Variants in TCL1A observed in about 807,000 individuals in gnomAD.
TCL1A encodes T-cell leukemia/lymphoma protein 1A.
Under a neutral mutation model 16.9 loss-of-function variants are expected in TCL1A, and 9 were observed. That is an observed-to-expected ratio of 0.53 (90% CI 0.32 to 0.93). The LOEUF (loss-of-function observed/expected upper bound fraction) is 0.93, where lower values mean the gene tolerates loss of function less well. Ranked by LOEUF, TCL1A falls within the 40% of genes least tolerant of loss-of-function variation. The pLI is 0.04. For missense variants in TCL1A, 139 were observed against 153.0 expected (o/e 0.91, Z 0.48); for synonymous variants, 69 against 63.2 (o/e 1.09, Z -0.44).
At position 95,714,034 on chromosome 14, in the gene TCL1A, G is replaced by A. The variant is rs1886493423; in HGVS notation, c.33C>T (p.Val11=). Residue 11 remains valine, a synonymous_variant, in exon 1 of 4, where the codon GTC becomes GTT. Coordinates refer to ENST00000402399, the MANE Select transcript of TCL1A (RefSeq NM_021966.3). MAECPTLGEA[V]TDHPDRLWAW... is the part of the protein sequence containing the mutation. ...CCCACAGGCGGTCCGGGTGGTCGGTGACTGCCTCCCCGAGTGTCGGGCACT... is the reference window on the plus strand; with the variant it reads ...CCCACAGGCGGTCCGGGTGGTCGGTAACTGCCTCCCCGAGTGTCGGGCACT... 6.2e-7 allele frequency: 1 copy of A among 1,613,958 alleles called. No individual in the cohort carries two copies. The highest frequency in any genetic ancestry group is 1.3e-5 in the African/African-American group (1 of 74,958).
At chr14:95,713,164 A>G (rs74608909) in intron 1 of TCL1A, among the ~76,000 whole-genome samples, 5,834 of 152,306 alleles carry the variant, frequency 0.038, 407 homozygotes, top group African/African-American at 0.13. Context: ...GGACAAATGT[A>G]CATTTTTGTG....
intron 2 of TCL1A, 130 bp downstream of exon 2, chr14:95,712,090 C>T: frequency 8.4e-7 from 1 of 1,196,624 alleles, no homozygotes; most frequent in Non-Finnish European, 1.2e-6. Flanking sequence ...TAGAAATCTG[C>T]ACTTGTACAT....
At chr14:95,713,783 G>C (rs535805644) in intron 1 of TCL1A, among the ~76,000 whole-genome samples, 164 bp downstream of exon 1, 1 of 152,258 alleles carries the variant, frequency 6.6e-6, no homozygotes, top group Middle Eastern at 3.4e-3. Context: ...CCTGCCTGGA[G>C]AACTCCTATT....
intron 1 of TCL1A, 184 bp from the exon 2 acceptor site, chr14:95,712,580 G>A: frequency 6.7e-7 from 1 of 1,482,446 alleles, no homozygotes; most frequent in Non-Finnish European, 8.9e-7. Flanking sequence ...TCCTCTCAGG[G>A]ACTCTGGCTG....
At chr14:95,713,228 T>C (rs1886421496) in intron 1 of TCL1A, among the ~76,000 whole-genome samples, 1 of 152,230 alleles carries the variant, frequency 6.6e-6, no homozygotes, top group Admixed American at 6.5e-5. Context: ...TTTTGATTGC[T>C]ACTGGACATA....
chr14:95,710,982 G>A (rs1473491212), intron 3 of TCL1A, 101 bp from the exon 4 acceptor site: 2 of 152,354 alleles, frequency 1.3e-5, no homozygotes, highest in African/African-American at 4.8e-5. Context: ...GAAGCCTAGT[G>A]GTCAGGGATG....
chr14:95,711,806 A>G lies in TCL1A; in HGVS notation c.298-4T>C, dbSNP rs778810255. The G allele has an allele frequency of 1.9e-6, 3 of 1,609,980 alleles. No individual in the cohort carries two copies. Among genetic ancestry groups the G allele is most frequent in the Non-Finnish European group, 2.5e-6 (3 of 1,179,898 alleles). ...GCATGTCCTCCACGCCGTCAATCTG[A>G]GAGGCAGAGAGAGAGAGAAGGCATT... On this transcript the variant is annotated splice_polypyrimidine_tract_variant and splice_region_variant and intron_variant, in intron 2 of 3. Transcript: ENST00000402399.
chr14:95,712,447 C>A lies in TCL1A; in HGVS notation c.121-51G>T, dbSNP rs754379290. ...TACTTTCAGGTTCCGCTTGCCAGGG[C>A]TTCTCCAGGCGCAGAAAACCGGAAT... On this transcript the variant is annotated intron_variant, in intron 1 of 3. Coordinates refer to ENST00000402399, the MANE Select transcript of TCL1A (RefSeq NM_021966.3). 3 of 1,548,722 alleles carry A rather than the reference C, an allele frequency of 1.9e-6. 1 individual carries two copies. The South Asian group carries it at 3.7e-5, about 19-fold the overall frequency.
Position 95,712,533 on chromosome 14 carries a change from C to G in TCL1A, c.121-137G>C. The G allele has an allele frequency of 2.0e-6, 3 of 1,479,964 alleles. No individual in the cohort carries two copies. In the Admixed American group the frequency reaches 7.0e-5, roughly 35 times the overall value. 91.7% of individuals were successfully genotyped at this position (1,479,964 alleles called of 1,614,324 possible). On this transcript the variant is annotated intron_variant, in intron 1 of 3. Transcript: ENST00000402399. ...TCCGAGTGTGAAATGATGGTCATCACTGTTCCCTGAAGCTCACTTCCTTAG... is the reference window on the plus strand; with the variant it reads ...TCCGAGTGTGAAATGATGGTCATCAGTGTTCCCTGAAGCTCACTTCCTTAG...
intron 1 of TCL1A, among the ~76,000 whole-genome samples, chr14:95,713,379 A>G (rs1886431187): frequency 6.6e-6 from 1 of 152,238 alleles, no homozygotes; most frequent in African/African-American, 2.4e-5. Context: ...AAAACTTAAC[A>G]TGGATTAAGG....
chr14:95,713,796 T>C (rs1886473202), intron 1 of TCL1A, 151 bp downstream of exon 1: 2 of 1,259,650 alleles, frequency 1.6e-6, no homozygotes, highest in African/African-American at 1.5e-5. Context: ...CTCCTATTCA[T>C]CCTCCAGAGC....
Position 95,714,119 on chromosome 14 carries a change from G to C in TCL1A, c.-53C>G. The C allele has an allele frequency of 6.2e-7, 1 of 1,602,220 alleles. No homozygotes were observed. The highest frequency in any genetic ancestry group is 8.5e-7 in the Non-Finnish European group (1 of 1,176,428). On this transcript the variant is annotated 5_prime_UTR_variant, in exon 1 of 4. Coordinates refer to ENST00000402399, the MANE Select transcript of TCL1A (RefSeq NM_021966.3). ...GAGCCAGAGCCTCTCAAGGCCGCTC[G>C]CTGGTCCCTGGGATGTGGGGCCGAC...
Position 95,714,054 on chromosome 14 carries a change from G to C in TCL1A, c.13C>G (p.Pro5Ala). ...TCGGTGACTGCCTCCCCGAGTGTCGGGCACTCGGCCATGGCGTCCTCGGGC... is the reference window on the plus strand; with the variant it reads ...TCGGTGACTGCCTCCCCGAGTGTCGCGCACTCGGCCATGGCGTCCTCGGGC... MAEC[P>A]TLGEAVTDHP... is the part of the protein sequence containing the mutation. The change falls in exon 1 of 4, where the codon CCG becomes GCG. Residue 5 changes from proline to alanine, a missense_variant. Around this residue, in one of 2 missense-constraint regions of TCL1A, gnomAD observed 94 missense variants for 80.2 expected, o/e 1.17. Transcript: ENST00000402399. The C allele has an allele frequency of 6.2e-7, 1 of 1,613,906 alleles. No individual in the cohort carries two copies. The highest frequency in any genetic ancestry group is 8.5e-7 in the Non-Finnish European group (1 of 1,180,018).
intron 1 of TCL1A, among the ~76,000 whole-genome samples, chr14:95,713,288 G>A (rs1296560684): frequency 1.3e-5 from 2 of 152,090 alleles, no homozygotes; most frequent in African/African-American, 2.4e-5. Context: ...GTGTATGTTT[G>A]GAGAGAGTTT....
intron 1 of TCL1A, among the ~76,000 whole-genome samples, chr14:95,713,689 G>C (rs191055192): frequency 6.6e-6 from 1 of 152,326 alleles, no homozygotes; most frequent in Non-Finnish European, 1.5e-5. Flanking sequence ...AATGCCTGCT[G>C]TAGTCAACAT....
chr14:95,711,562 C>T (rs1158407842), intron 3 of TCL1A, 187 bp downstream of exon 3: 1 of 598,578 alleles, frequency 1.7e-6, no homozygotes, highest in Admixed American at 3.0e-5. Context: ...GGGCTGCCTA[C>T]AAAGCCCTTG....
In TCL1A at chr14:95,710,380, G is replaced by C. The variant is rs1886313342; in HGVS notation, c.*508C>G. Reference sequence around the variant, plus strand: ...TTGCAGGCGTGTTTACGGGCAGGCAGCGTTTGCAGGCGTGTTTACCGGCAG... The same window carrying C: ...TTGCAGGCGTGTTTACGGGCAGGCACCGTTTGCAGGCGTGTTTACCGGCAG... On this transcript the variant is annotated 3_prime_UTR_variant, in exon 4 of 4. Transcript: ENST00000402399. 1 of 157,072 alleles carries C rather than the reference G, an allele frequency of 6.4e-6. No individual in the cohort carries two copies. Among genetic ancestry groups the C allele is most frequent in the Admixed American group, 6.5e-5 (1 of 15,340 alleles). 9.7% of individuals were successfully genotyped at this position (157,072 alleles called of 1,614,324 possible).
chr14:95,712,893 T>A, intron 1 of TCL1A: 1 of 258,522 alleles, frequency 3.9e-6, no homozygotes, highest in Non-Finnish European at 7.8e-6. Context: ...TTGTGGAGCA[T>A]GTATCATGAT....
In TCL1A at chr14:95,714,109, A is replaced by G. The variant is rs1392917402; in HGVS notation, c.-43T>C. On this transcript the variant is annotated 5_prime_UTR_variant, in exon 1 of 4. Coordinates refer to ENST00000402399, the MANE Select transcript of TCL1A (RefSeq NM_021966.3). ...TAAGAAGCAAGAGCCAGAGCCTCTC[A>G]AGGCCGCTCGCTGGTCCCTGGGATG... 1.2e-6 allele frequency: 2 copies of G among 1,607,054 alleles called. No individual in the cohort carries two copies. The highest frequency in any genetic ancestry group is 1.1e-5 in the South Asian group (1 of 90,858).
Sources: gnomAD v4.1 joint callset for allele counts (sites outside exome capture counted in the v4.1 genomes callset) on GRCh38, gnomAD v4.1.1 for gene constraint, gnomAD v4.1.1 regional missense constraint, MANE v1.5 for transcripts, NCBI Gene and HGNC (gene_info 2026-07-23, HGNC 2026-07-21) for gene names.